Variants in MUC22 observed in about 807,000 individuals in gnomAD.
MUC22 encodes mucin 22, also known as mucin-22.
In MUC22, 24 loss-of-function variants were observed where a neutral mutation model predicts 40.3. That is an observed-to-expected ratio of 0.60 (90% CI 0.43 to 0.84). The LOEUF (loss-of-function observed/expected upper bound fraction) is 0.84, where lower values mean the gene tolerates loss of function less well. MUC22 is among the 40% of genes least tolerant of loss of function. The pLI is 0.00. For synonymous variants in MUC22, 765 were observed against 844.5 expected, an observed-to-expected ratio of 0.91 and a Z score of 1.63; for missense variants, 1,926 against 2,130.7, an observed-to-expected ratio of 0.90 and a Z score of 1.89.
intron 1 of MUC22, among the ~76,000 whole-genome samples, chr6:31,021,323 G>C (rs560902408): frequency 1.4e-5 from 2 of 144,014 alleles, no homozygotes; most frequent in South Asian, 4.2e-4. Flanking sequence ...TAGGGCCTTG[G>C]AGAACCTTTA....
chr6:31,019,989 A>G (rs946410281), intron 1 of MUC22, among the ~76,000 whole-genome samples: 3 of 152,192 alleles, frequency 2.0e-5, no homozygotes, highest in Admixed American at 6.5e-5. Flanking sequence ...TTGTGAGACA[A>G]TGTTTTGTCT....
At chr6:31,010,890 CATT>C (rs774158420) in intron 1 of MUC22, 114 bp downstream of exon 1, 23 of 474,270 alleles carry the variant, frequency 4.8e-5, no homozygotes, top group Non-Finnish European at 6.5e-5. Flanking sequence ...AATGATGATT[CATT>C]TTTTTTTTTT....
chr6:31,017,216 T>C (rs905338265), intron 1 of MUC22, among the ~76,000 whole-genome samples: 1 of 152,238 alleles, frequency 6.6e-6, no homozygotes, highest in Non-Finnish European at 1.5e-5. Context: ...GGCAGCTCCA[T>C]CTGCGGCCCA....
chr6:31,009,422 T>C (rs1265567950), upstream of MUC22, among the ~76,000 whole-genome samples: 1 of 152,162 alleles, frequency 6.6e-6, no homozygotes, highest in African/African-American at 2.4e-5. Context: ...CAGATCAAGA[T>C]GTGCCACATT....
intron 1 of MUC22, 109 bp from the exon 2 acceptor site, chr6:31,025,393 A>G: frequency 3.1e-6 from 4 of 1,277,224 alleles, no homozygotes; most frequent in Non-Finnish European, 4.2e-6. Context: ...TCAATAACTG[A>G]ATAAATAAAT....
chr6:31,018,290 A>G (rs1764405178), intron 1 of MUC22, among the ~76,000 whole-genome samples: 1 of 152,254 alleles, frequency 6.6e-6, no homozygotes, highest in South Asian at 2.1e-4. Context: ...TCTGGAGCTG[A>G]GAGACAGTTC....
rs1765936055 is a variant in MUC22, at chr6:31,030,050, C to T, written c.4619C>T (p.Thr1540Ile). The change falls in exon 2 of 4, where the codon ACC becomes ATC. Residue 1540 changes from threonine to isoleucine, a missense_variant. Around this residue, in one of 3 missense-constraint regions of MUC22, gnomAD observed 610 missense variants for 714.6 expected, o/e 0.85. Transcript: ENST00000561890. ...GTCTCTTCCACCACGTTTGTACTCA[C>T]CAAGGCCACTGACGTTTCTATCCAG... 1 of 1,535,442 alleles carries T rather than the reference C, an allele frequency of 6.5e-7. No individual in the cohort carries two copies. The highest frequency in any genetic ancestry group is 8.7e-7 in the Non-Finnish European group (1 of 1,146,674).
chr6:31,022,626 G>A (rs1439478930), intron 1 of MUC22, among the ~76,000 whole-genome samples: 1 of 152,026 alleles, frequency 6.6e-6, no homozygotes, highest in Non-Finnish European at 1.5e-5. Flanking sequence ...AGGCTTATAT[G>A]TAGACATAAA....
intron 1 of MUC22, among the ~76,000 whole-genome samples, chr6:31,018,647 A>T (rs1408293851): frequency 1.3e-5 from 2 of 152,232 alleles, no homozygotes; most frequent in Non-Finnish European, 2.9e-5. Context: ...TTATTCTTTT[A>T]TTCATTCCAA....
chr6:31,018,821 G>A (rs1435392488), intron 1 of MUC22, among the ~76,000 whole-genome samples: 2 of 152,156 alleles, frequency 1.3e-5, no homozygotes, highest in East Asian at 3.8e-4. Flanking sequence ...CTATTCTCTT[G>A]ACTTCCTTGA....
In MUC22 at chr6:31,032,653, G is replaced by C. The variant is rs1452146385; in HGVS notation, c.5055+72G>C. 2 of 1,446,246 alleles carry C rather than the reference G, an allele frequency of 1.4e-6. No individual in the cohort carries two copies. Among genetic ancestry groups the C allele is most frequent in the African/African-American group, 1.4e-5 (1 of 70,456 alleles). The allele number at this position is 1,446,246 out of a possible 1,614,324, so 89.6% of individuals were successfully genotyped here. A position where few individuals can be genotyped will look rare whatever the true frequency, so the allele number is the denominator to read the frequency against. On this transcript the variant is annotated intron_variant, in intron 3 of 3. Coordinates refer to ENST00000561890, the Ensembl canonical transcript of MUC22. The surrounding 1 kb of genome is among the most constrained non-coding windows in gnomAD (Gnocchi z 4.1). ...GGGGGAATCATGTCAGCAGTGCTTTGGAAAAATCCAGAATGAGAAAGGGGA... is the reference window on the plus strand; with the variant it reads ...GGGGGAATCATGTCAGCAGTGCTTTCGAAAAATCCAGAATGAGAAAGGGGA...
intron 1 of MUC22, 138 bp downstream of exon 1, chr6:31,010,914 C>G: frequency 1.7e-6 from 1 of 601,748 alleles, no homozygotes; most frequent in Non-Finnish European, 2.9e-6. Context: ...TTTTTTTGCC[C>G]ATTTCTGCAA....
intron 1 of MUC22, among the ~76,000 whole-genome samples, chr6:31,014,483 T>C (rs114421090): frequency 0.025 from 3,856 of 152,318 alleles, 73 homozygotes; most frequent in Non-Finnish European, 0.027. Context: ...TTCCCTTTTT[T>C]CCCTTGTAAA....
chr6:31,011,568 G>T lies in MUC22; in HGVS notation c.70+792G>T, dbSNP rs945760040. ...GAGTAGTATTCCATCGTATATATAT[G>T]CCAGTTTCTTTATCCACCGTTGATT... is the stretch of plus-strand genomic sequence containing the variant. On this transcript the variant is annotated intron_variant, in intron 1 of 3. Transcript: ENST00000561890. The surrounding 1 kb of genome is among the most constrained non-coding windows in gnomAD (Gnocchi z 4.5). Among the ~76,000 whole-genome samples the T allele has an allele frequency of 1.3e-5, 2 of 152,076 alleles. No individual in the cohort carries two copies. Among genetic ancestry groups the T allele is most frequent in the African/African-American group, 4.8e-5 (2 of 41,408 alleles).
exon 2 of MUC22, chr6:31,028,293 C>A: frequency 6.5e-7 from 1 of 1,534,812 alleles, no homozygotes; most frequent in Non-Finnish European, 8.7e-7. Flanking sequence ...GCTCTGAGAC[C>A]ACTAAAGTTT....
intron 1 of MUC22, among the ~76,000 whole-genome samples, chr6:31,023,577 T>C (rs936616105): frequency 6.6e-6 from 1 of 152,168 alleles, no homozygotes; most frequent in African/African-American, 2.4e-5. Flanking sequence ...TATTTATAAT[T>C]ACATTAAATG....
Position 31,029,498 on chromosome 6 carries a change from C to G in MUC22, c.4067C>G (p.Thr1356Arg), listed in dbSNP as rs146685560. The G allele has an allele frequency of 8.5e-3, 13,010 of 1,535,154 alleles. 165 individuals are homozygous for G. Among genetic ancestry groups the G allele is most frequent in the East Asian group, 0.044 (1,785 of 40,834 alleles). The change falls in exon 2 of 4, where the codon ACA becomes AGA. Residue 1356 changes from threonine to arginine, a missense_variant. Transcript: ENST00000561890. Reference sequence around the variant, plus strand: ...GCCTCTACCGCAGGCTCTGAGACCACAACAGTCTATATCACAGGCTCTAAG... The same window carrying G: ...GCCTCTACCGCAGGCTCTGAGACCAGAACAGTCTATATCACAGGCTCTAAG...
chr6:31,007,857 G>C (rs1442525480), upstream of MUC22, among the ~76,000 whole-genome samples: 1 of 152,012 alleles, frequency 6.6e-6, no homozygotes, highest in East Asian at 1.9e-4. This position sits in a 1 kb window ranked among gnomAD's most constrained non-coding sequence, Gnocchi z 4.0. Flanking sequence ...CTCCAAGGAG[G>C]CATTTAAAAA....
At chr6:31,027,104 C>T in exon 2 of MUC22, 1 of 1,490,704 alleles carries the variant, frequency 6.7e-7, no homozygotes, top group East Asian at 2.5e-5. Flanking sequence ...ACCACTATGG[C>T]CTCTACCATA....
Sources: gnomAD v4.1 joint callset for allele counts (sites outside exome capture counted in the v4.1 genomes callset) on GRCh38, gnomAD v4.1.1 for gene constraint, gnomAD v4.1.1 regional missense constraint, Gnocchi (gnomAD v3.1) non-coding constraint, MANE v1.5 for transcripts, NCBI Gene and HGNC (gene_info 2026-07-23, HGNC 2026-07-21) for gene names.